PPP1R12B: variants seen among roughly 807,000 people sequenced by gnomAD.
PPP1R12B encodes myosin phosphatase target subunit 2.
PPP1R12B carries 76 observed loss-of-function variants against 126.1 expected under a neutral mutation model. The observed-to-expected ratio is 0.60, with a 90% CI of 0.50 to 0.73. PPP1R12B has a LOEUF of 0.73. PPP1R12B is among the 30% of genes least tolerant of loss of function. PPP1R12B has a pLI of 0.00. For synonymous variants in PPP1R12B, 356 were observed against 434.7 expected, an observed-to-expected ratio of 0.82 and a Z score of 2.25; for missense variants, 1,052 against 1,205.1, an observed-to-expected ratio of 0.87 and a Z score of 1.88.
At chr1:202,497,655 G>A (rs746261885) in intron 18 of PPP1R12B, among the ~76,000 whole-genome samples, 2 of 152,122 alleles carry the variant, frequency 1.3e-5, no homozygotes, top group Non-Finnish European at 2.9e-5. Context: ...ACAGACAATA[G>A]TAGCCTTCTA....
chr1:202,544,879 C>T (rs1240921871), intron 18 of PPP1R12B, among the ~76,000 whole-genome samples: 1 of 152,228 alleles, frequency 6.6e-6, no homozygotes, highest in Non-Finnish European at 1.5e-5. Flanking sequence ...GGATTGTTGC[C>T]TTCATGAGAG....
intron 1 of PPP1R12B, among the ~76,000 whole-genome samples, chr1:202,401,441 C>T (rs1571839195): frequency 7.1e-6 from 1 of 140,390 alleles, no homozygotes; most frequent in South Asian, 2.4e-4. Flanking sequence ...AACTCCTGCC[C>T]TCAAGCAATT....
At chr1:202,413,473 A>G (rs564039484) in intron 1 of PPP1R12B, among the ~76,000 whole-genome samples, 31 of 152,302 alleles carry the variant, frequency 2.0e-4, no homozygotes, top group Admixed American at 3.3e-4. Context: ...ATAGTTGTTC[A>G]TTATAACCAT....
At position 202,488,576 on chromosome 1, in the gene PPP1R12B, C is replaced by T. The variant is rs1487681545; in HGVS notation, c.1894C>T (p.Arg632Trp). ...PVRDEEAESL[R>W]KARSRQARQT... ...ACGGGATGAGGAAGCAGAGTCTTTA[C>T]GGAAAGCACGCTCCAGACAAGCTCG... Residue 632 changes from arginine (R) to tryptophan (W), a missense_variant, in exon 14 of 24, where the codon CGG (arginine) becomes TGG (tryptophan). Physicochemically the swap from Arg to Trp is moderately radical, Grantham distance 101. Transcript: ENST00000608999. The T allele has an allele frequency of 7.4e-6, 12 of 1,612,728 alleles. No individual in the cohort carries two copies. Among genetic ancestry groups the T allele is most frequent in the African/African-American group, 2.7e-5 (2 of 74,864 alleles).
At position 202,585,692 on chromosome 1, in the gene PPP1R12B, TCTC is replaced by T. The variant is rs1459375910; in HGVS notation, c.*5133_*5135del. 6.6e-6 allele frequency: 1 copy of T among 152,256 alleles called. No individual in the cohort carries two copies. The highest frequency in any genetic ancestry group is 1.5e-5 in the Non-Finnish European group (1 of 68,040). The allele number at this position is 152,256 out of a possible 1,614,324, so 9.4% of individuals were successfully genotyped here. A position where few individuals can be genotyped will look rare whatever the true frequency, so the allele number is the denominator to read the frequency against. The stretch of plus-strand genomic sequence containing the variant: ...TAATATGAGCACATCAAGGTTGACT[TCTC>T]ATCCTTTTTGGGAAGTGAATTTAAT... On this transcript the variant is annotated 3_prime_UTR_variant, in exon 24 of 24. Coordinates refer to ENST00000608999, the MANE Select transcript of PPP1R12B (RefSeq NM_002481.4).
chr1:202,434,773 G>A lies in PPP1R12B; in HGVS notation c.1254+5G>A. The A allele has an allele frequency of 3.7e-6, 6 of 1,612,930 alleles. No homozygotes were observed. The highest frequency in any genetic ancestry group is 5.1e-6 in the Non-Finnish European group (6 of 1,179,674). On this transcript the variant is annotated splice_donor_5th_base_variant and intron_variant, in intron 9 of 23. Coordinates refer to ENST00000608999, the MANE Select transcript of PPP1R12B (RefSeq NM_002481.4). Reference sequence around the variant, plus strand: ...TCTGCCTCTTCTGCTAGGAGGGTGAGTACTTTTTACTTAATTTGGGAATTA... The same window carrying A: ...TCTGCCTCTTCTGCTAGGAGGGTGAATACTTTTTACTTAATTTGGGAATTA...
rs1444597544 is a variant in PPP1R12B at position 202,427,095 on chromosome 1, C to G, written c.757C>G (p.Pro253Ala). ...LNVQDYDGWT[P>A]LHAAAHWGVK... Reference sequence around the variant, plus strand: ...TGTTCAGGATTATGATGGCTGGACTCCCCTCCATGCTGCTGCACACTGGGG... The same window carrying G: ...TGTTCAGGATTATGATGGCTGGACTGCCCTCCATGCTGCTGCACACTGGGG... Residue 253 changes from proline (P) to alanine (A), a missense_variant, in exon 5 of 24, where the codon CCC becomes GCC. By Grantham distance (27) the Pro-to-Ala change is conservative. Coordinates refer to ENST00000608999, the MANE Select transcript of PPP1R12B (RefSeq NM_002481.4). 6.2e-7 allele frequency: 1 copy of G among 1,614,102 alleles called. No homozygotes were observed. Among genetic ancestry groups the G allele is most frequent in the Non-Finnish European group, 8.5e-7 (1 of 1,180,022 alleles).
chr1:202,481,181 C>T (rs1482456207), intron 13 of PPP1R12B, among the ~76,000 whole-genome samples: 1 of 152,208 alleles, frequency 6.6e-6, no homozygotes, highest in African/African-American at 2.4e-5. Context: ...TTGCTCACCT[C>T]CTGCTGTACA....
intron 18 of PPP1R12B, among the ~76,000 whole-genome samples, chr1:202,501,695 G>A (rs1343278416): frequency 4.6e-5 from 7 of 152,158 alleles, no homozygotes; most frequent in Non-Finnish European, 7.4e-5. Context: ...AGAAGACTGA[G>A]GCTCAGAGAA....
intron 12 of PPP1R12B, chr1:202,445,316 T>C: frequency 1.8e-6 from 2 of 1,104,628 alleles, no homozygotes; most frequent in Non-Finnish European, 2.3e-6. Context: ...AGAGACTTTA[T>C]CACTATAAAA....
chr1:202,475,480 G>T (rs1193931233), intron 13 of PPP1R12B, among the ~76,000 whole-genome samples: 2 of 152,182 alleles, frequency 1.3e-5, no homozygotes, highest in Non-Finnish European at 2.9e-5. Context: ...TGCAGGATTT[G>T]CTAGAAGAAA....
At chr1:202,433,370 C>CT (rs1361632751) in intron 8 of PPP1R12B, among the ~76,000 whole-genome samples, 93 of 152,288 alleles carry the variant, frequency 6.1e-4, no homozygotes, top group African/African-American at 2.0e-3. Flanking sequence ...TTCTCTGTAG[C>CT]CAGGTCTTCA....
chr1:202,395,047 G>T (rs1435391175), intron 1 of PPP1R12B, among the ~76,000 whole-genome samples: 2 of 144,996 alleles, frequency 1.4e-5, no homozygotes, highest in African/African-American at 5.1e-5. Flanking sequence ...GACCTGGGAG[G>T]CAGAGGTTGT....
intron 1 of PPP1R12B, among the ~76,000 whole-genome samples, chr1:202,400,952 C>G (rs371214962): frequency 1.3e-5 from 2 of 152,154 alleles, no homozygotes; most frequent in Non-Finnish European, 2.9e-5. Context: ...TTTGTACAAC[C>G]TATAAGCTAA....
intron 18 of PPP1R12B, among the ~76,000 whole-genome samples, chr1:202,514,833 A>G (rs557244457): frequency 6.6e-6 from 1 of 152,218 alleles, no homozygotes; most frequent in Non-Finnish European, 1.5e-5. Flanking sequence ...CCCTAAAGAC[A>G]CATGCATGCG....
intron 1 of PPP1R12B, among the ~76,000 whole-genome samples, chr1:202,402,236 T>C (rs761772228): frequency 6.6e-6 from 1 of 152,216 alleles, no homozygotes; most frequent in Non-Finnish European, 1.5e-5. Flanking sequence ...CCTGATCTTT[T>C]CCTGGACTTA....
intron 13 of PPP1R12B, among the ~76,000 whole-genome samples, chr1:202,451,062 A>T (rs1309319491): frequency 4.0e-5 from 6 of 150,362 alleles, no homozygotes; most frequent in African/African-American, 1.2e-4. Flanking sequence ...TTCATTGTAA[A>T]GATCTTTTAG....
chr1:202,506,662 C>G (rs1433379320), intron 18 of PPP1R12B, among the ~76,000 whole-genome samples: 1 of 152,094 alleles, frequency 6.6e-6, no homozygotes, highest in Non-Finnish European at 1.5e-5. Context: ...CCTCCAATTG[C>G]TTTCAAGATA....
chr1:202,521,611 C>T (rs1282531181), intron 18 of PPP1R12B, among the ~76,000 whole-genome samples: 2 of 151,942 alleles, frequency 1.3e-5, no homozygotes, highest in Non-Finnish European at 2.9e-5. Flanking sequence ...CTTTCTATAG[C>T]TTAAGAGAAA....
Sources: allele counts gnomAD v4.1 joint callset (sites outside exome capture counted in the v4.1 genomes callset), GRCh38; gene constraint gnomAD v4.1.1; transcripts MANE v1.5; gene names NCBI Gene and HGNC (gene_info 2026-07-23, HGNC 2026-07-21).